EYA3: variants seen among roughly 807,000 people sequenced by gnomAD.
The protein encoded by EYA3 is EYA transcriptional coactivator and phosphatase 3, also known as protein phosphatase EYA3.
Under a neutral mutation model 80.0 loss-of-function variants are expected in EYA3, and 39 were observed. That is an observed-to-expected ratio of 0.49 (90% CI 0.38 to 0.64). The LOEUF (loss-of-function observed/expected upper bound fraction) is 0.64, where lower values mean the gene tolerates loss of function less well. EYA3 is among the 30% of genes least tolerant of loss of function. The pLI, the probability that EYA3 is intolerant of heterozygous loss-of-function variation, is 0.00. For synonymous variants in EYA3, 206 were observed against 232.8 expected (o/e 0.88, Z 1.05); for missense variants, 523 against 676.1 (o/e 0.77, Z 2.51).
At chr1:27,993,854 A>C (rs1419421530) in intron 13 of EYA3, among the ~76,000 whole-genome samples, 1 of 152,218 alleles carries the variant, frequency 6.6e-6, no homozygotes, top group African/African-American at 2.4e-5. Context: ...TAATGACAGA[A>C]AATAACCACA....
chr1:28,056,514 G>A (rs896275640), intron 2 of EYA3, among the ~76,000 whole-genome samples: 7 of 152,110 alleles, frequency 4.6e-5, no homozygotes, highest in East Asian at 1.9e-4. Flanking sequence ...TCTCCATGTC[G>A]TCATTCAATC....
chr1:27,990,885 C>T (rs1359567087), intron 14 of EYA3, among the ~76,000 whole-genome samples: 3 of 151,292 alleles, frequency 2.0e-5, no homozygotes, highest in Non-Finnish European at 4.4e-5. Context: ...CTTGGAGAAA[C>T]CTTAGAGTAG....
Position 28,027,856 on chromosome 1 carries a change from A to T in EYA3, c.432T>A (p.Val144=). The T allele has an allele frequency of 6.2e-7, 1 of 1,614,182 alleles. No individual in the cohort carries two copies. The highest frequency in any genetic ancestry group is 8.5e-7 in the Non-Finnish European group (1 of 1,180,020). ...TGGTTAACCCTGTAGTGCAGGTAAG[A>T]ACACTGTGTTGACTTGGAGATGGAG... ...IQTPSPSQHS[V]LTCTTGLTTS... Residue 144 remains valine, a synonymous_variant, in exon 7 of 18, where the codon GTT becomes GTA. Coordinates refer to ENST00000373871, the MANE Select transcript of EYA3 (RefSeq NM_001990.4).
intron 1 of EYA3, among the ~76,000 whole-genome samples, chr1:28,084,577 ATATATATATATATATATATTTTTTTTT>A (rs1478391393): frequency 4.5e-3 from 66 of 14,708 alleles, no homozygotes; most frequent in South Asian, 0.012. Context: ...ATATATATAT[ATATATATATATATATATATTTTTTTTT>A]TTTTTTTTTT....
At chr1:28,082,050 C>T (rs1224740748) in intron 1 of EYA3, among the ~76,000 whole-genome samples, 1 of 152,030 alleles carries the variant, frequency 6.6e-6, no homozygotes, top group African/African-American at 2.4e-5. Flanking sequence ...ATCATCATAG[C>T]AAAGCTTACT....
At chr1:28,002,827 C>A (rs889541308) in intron 11 of EYA3, among the ~76,000 whole-genome samples, 7 of 151,188 alleles carry the variant, frequency 4.6e-5, no homozygotes, top group Non-Finnish European at 8.9e-5. Flanking sequence ...AAAAAAAAAA[C>A]ACAAACCTCC....
intron 16 of EYA3, among the ~76,000 whole-genome samples, chr1:27,986,572 T>G (rs529256025): frequency 5.3e-4 from 81 of 151,842 alleles, no homozygotes; most frequent in African/African-American, 1.9e-3. Context: ...TAATTTTGTA[T>G]TTTTAGTAGA....
intron 13 of EYA3, 64 bp downstream of exon 13, chr1:27,997,256 C>T: frequency 6.9e-7 from 1 of 1,445,776 alleles, no homozygotes; most frequent in Non-Finnish European, 9.7e-7. Context: ...TTCCTCCAAA[C>T]CTAGACAGAC....
At chr1:28,060,181 C>G (rs1644571068) in intron 1 of EYA3, among the ~76,000 whole-genome samples, 2 of 152,148 alleles carry the variant, frequency 1.3e-5, no homozygotes, top group Non-Finnish European at 2.9e-5. Flanking sequence ...TAAATTTCAT[C>G]TCTGATAGGA....
intron 1 of EYA3, among the ~76,000 whole-genome samples, chr1:28,060,210 T>C (rs919471047): frequency 6.6e-6 from 1 of 152,212 alleles, no homozygotes; most frequent in African/African-American, 2.4e-5. Context: ...AGAATAATTG[T>C]TAAAAAATAT....
At chr1:28,043,983 T>G (rs866182543) in intron 3 of EYA3, among the ~76,000 whole-genome samples, 15 of 152,250 alleles carry the variant, frequency 9.9e-5, no homozygotes, top group Non-Finnish European at 4.4e-5. Flanking sequence ...CTATTTGTTA[T>G]ATAGCCAGGA....
At chr1:28,084,631 A>G (rs1329325093) in intron 1 of EYA3, among the ~76,000 whole-genome samples, 1 of 50,244 alleles carries the variant, frequency 2.0e-5, no homozygotes, top group African/African-American at 6.3e-5. Flanking sequence ...TTTTTTTGAG[A>G]TGAGTCTCGC....
chr1:27,993,703 T>A, intron 13 of EYA3, 143 bp from the exon 14 acceptor site: 1 of 594,340 alleles, frequency 1.7e-6, no homozygotes, highest in Non-Finnish European at 2.7e-6. Context: ...TATGTCAGAG[T>A]CTATCTTTCA....
chr1:28,013,131 G>C lies in EYA3; in HGVS notation c.749C>G (p.Ala250Gly). 1 of 1,613,398 alleles carries C rather than the reference G, an allele frequency of 6.2e-7. No individual in the cohort carries two copies. Among genetic ancestry groups the C allele is most frequent in the Non-Finnish European group, 8.5e-7 (1 of 1,179,838 alleles). ...EKPSVMAPAP[A>G]AQRLSSGDPS... ...CTTACCAGAGGAAAGTCTCTGTGCT[G>C]CAGGTGCAGGCGCCATGACACTAGG... Residue 250 changes from alanine to glycine, a missense_variant, in exon 9 of 18, where the codon GCA becomes GGA. Around this residue, in one of 2 missense-constraint regions of EYA3, gnomAD observed 304 missense variants for 343.3 expected, o/e 0.89. Transcript: ENST00000373871. This position sits in a 1 kb window ranked among gnomAD's most constrained non-coding sequence, Gnocchi z 4.0.
intron 1 of EYA3, among the ~76,000 whole-genome samples, chr1:28,065,462 G>A (rs540617917): frequency 7.9e-5 from 12 of 151,828 alleles, no homozygotes; most frequent in Admixed American, 3.3e-4. Context: ...TAGTAGAGAC[G>A]GGGTTTCAGC....
chr1:28,022,878 G>A (rs1371808312), intron 7 of EYA3, among the ~76,000 whole-genome samples: 1 of 152,040 alleles, frequency 6.6e-6, no homozygotes, highest in Non-Finnish European at 1.5e-5. Context: ...CACTGCACTT[G>A]GCTAATTTTT....
chr1:28,031,327 A>G (rs1394815210), intron 6 of EYA3, among the ~76,000 whole-genome samples: 1 of 152,154 alleles, frequency 6.6e-6, no homozygotes, highest in Non-Finnish European at 1.5e-5. Context: ...CAATGGTTTG[A>G]CTCCACAGCA....
chr1:28,010,609 G>A (rs72875039), intron 10 of EYA3, among the ~76,000 whole-genome samples: 327 of 152,168 alleles, frequency 2.1e-3, no homozygotes, highest in African/African-American at 5.3e-3. Flanking sequence ...GGTCTCAAGC[G>A]ATCCTCCCGC....
At position 28,078,441 on chromosome 1, in the gene EYA3, G is replaced by A. The variant is rs149613231; in HGVS notation, c.-69+10083C>T. Among the ~76,000 whole-genome samples the A allele has an allele frequency of 3.0e-3, 460 of 152,258 alleles. 2 individuals carry two copies. The highest frequency in any genetic ancestry group is 0.011 in the African/African-American group (438 of 41,546). On this transcript the variant is annotated intron_variant, in intron 1 of 17. Coordinates refer to ENST00000373871, the MANE Select transcript of EYA3 (RefSeq NM_001990.4). Reference sequence around the variant, plus strand: ...TCATCATAGTCACAAACACTCTCAGGAGCTCCAACTGTGAGTTGATACTAT... The same window carrying A: ...TCATCATAGTCACAAACACTCTCAGAAGCTCCAACTGTGAGTTGATACTAT...
Sources: allele counts gnomAD v4.1 joint callset (sites outside exome capture counted in the v4.1 genomes callset), GRCh38; gene constraint gnomAD v4.1.1; regional missense constraint gnomAD v4.1.1; non-coding constraint Gnocchi (gnomAD v3.1); transcripts MANE v1.5; gene names NCBI Gene and HGNC (gene_info 2026-07-23, HGNC 2026-07-21).